Variants in CDH13 observed in about 807,000 individuals in gnomAD.
CDH13 encodes the protein cadherin 13.
CDH13 carries 24 observed loss-of-function variants against 63.8 expected under a neutral mutation model. The observed-to-expected ratio is 0.38, with a 90% CI of 0.27 to 0.53. The LOEUF (loss-of-function observed/expected upper bound fraction) is 0.53. CDH13 is among the 20% of genes least tolerant of loss of function. The pLI is 0.85. For synonymous variants in CDH13, 503 were observed against 355.3 expected, an observed-to-expected ratio of 1.42 and a Z score of -4.67; for missense variants, 1,049 against 903.1, an observed-to-expected ratio of 1.16 and a Z score of -2.07.
chr16:83,541,625 C>T (rs534704545), intron 7 of CDH13, among the ~76,000 whole-genome samples: 16 of 152,324 alleles, frequency 1.1e-4, no homozygotes, highest in Non-Finnish European at 1.8e-4. Context: ...CCAAGGACTC[C>T]AAAGGTCTAG....
intron 1 of CDH13, among the ~76,000 whole-genome samples, chr16:82,801,042 A>G (rs1424375572): frequency 1.3e-5 from 2 of 152,226 alleles, no homozygotes; most frequent in Non-Finnish European, 2.9e-5. Flanking sequence ...AAAGATTAGG[A>G]CCAGTGTTTA....
intron 8 of CDH13, among the ~76,000 whole-genome samples, chr16:83,666,333 C>T (rs1913947325): frequency 6.6e-6 from 1 of 152,150 alleles, no homozygotes; most frequent in Admixed American, 6.5e-5. Context: ...GAATAATGAG[C>T]TTCTAAATGA....
intron 10 of CDH13, chr16:83,736,015 A>G (rs1177358574): frequency 4.6e-5 from 7 of 152,200 alleles, no homozygotes; most frequent in Admixed American, 3.3e-4. Flanking sequence ...TTACGTTGCT[A>G]CCAACTGGTA....
At chr16:83,737,857 C>G (rs763587180) in intron 10 of CDH13, among the ~76,000 whole-genome samples, 18 of 152,226 alleles carry the variant, frequency 1.2e-4, no homozygotes, top group Non-Finnish European at 2.1e-4. Flanking sequence ...TGGAACCACA[C>G]TTCTGCTGCT....
At chr16:83,102,214 A>G (rs1490502999) in intron 3 of CDH13, among the ~76,000 whole-genome samples, 2 of 152,194 alleles carry the variant, frequency 1.3e-5, no homozygotes, top group Non-Finnish European at 2.9e-5. Context: ...TTCTGATGAC[A>G]CCTTGATTTT....
chr16:83,119,930 A>T (rs1220018341), intron 3 of CDH13, among the ~76,000 whole-genome samples: 1 of 152,254 alleles, frequency 6.6e-6, no homozygotes, highest in African/African-American at 2.4e-5. Context: ...CAAAGATAGA[A>T]GCAGAGCCAC....
intron 5 of CDH13, among the ~76,000 whole-genome samples, chr16:83,287,134 A>T (rs1228430255): frequency 6.6e-6 from 1 of 152,172 alleles, no homozygotes; most frequent in East Asian, 1.9e-4. Flanking sequence ...CATTCTGCAA[A>T]TGTCAGTGGA....
At chr16:82,711,741 A>G (rs939247745) in intron 1 of CDH13, among the ~76,000 whole-genome samples, 13 of 152,302 alleles carry the variant, frequency 8.5e-5, no homozygotes, top group African/African-American at 3.1e-4. Context: ...ACTGGAACAC[A>G]TTCTAAAGTT....
At chr16:82,673,335 A>G (rs756455386) in intron 1 of CDH13, among the ~76,000 whole-genome samples, 1 of 152,218 alleles carries the variant, frequency 6.6e-6, no homozygotes, top group Non-Finnish European at 1.5e-5. Flanking sequence ...GTTCACACTC[A>G]GTCAAGGAAC....
intron 3 of CDH13, among the ~76,000 whole-genome samples, chr16:83,124,067 C>T (rs2035706400): frequency 6.6e-6 from 1 of 152,066 alleles, no homozygotes; most frequent in Non-Finnish European, 1.5e-5. Flanking sequence ...TTGTTCTGAG[C>T]TGGAGTCTCG....
chr16:83,289,706 G>A (rs543755304), intron 5 of CDH13, among the ~76,000 whole-genome samples: 1 of 152,156 alleles, frequency 6.6e-6, no homozygotes, highest in South Asian at 2.1e-4. Flanking sequence ...CTTGGGCTTG[G>A]GTACGTGGTT....
chr16:83,779,686 A>G (rs1915383109), intron 11 of CDH13, among the ~76,000 whole-genome samples: 1 of 151,804 alleles, frequency 6.6e-6, no homozygotes, highest in African/African-American at 2.4e-5. Flanking sequence ...ATCCTCTTAG[A>G]TGTAAATGCT....
chr16:83,086,482 TTC>T (rs2033601748), intron 3 of CDH13, among the ~76,000 whole-genome samples: 3 of 152,152 alleles, frequency 2.0e-5, no homozygotes, highest in Non-Finnish European at 4.4e-5. Flanking sequence ...GTGGAGCTGT[TTC>T]TGTCCCAGAT....
At chr16:83,239,883 A>AG (rs1904305533) in intron 5 of CDH13, among the ~76,000 whole-genome samples, 1 of 152,146 alleles carries the variant, frequency 6.6e-6, no homozygotes. Context: ...GGGGAGCTGG[A>AG]GGAGGTGCAT....
chr16:83,408,304 G>T lies in CDH13; in HGVS notation c.781+63298G>T, dbSNP rs528918135. Among the ~76,000 whole-genome samples, 5 of 152,192 alleles carry T rather than the reference G, an allele frequency of 3.3e-5. No homozygotes were observed. In the East Asian group the frequency reaches 9.7e-4, roughly 29 times the overall value. Reference sequence around the variant, plus strand: ...ATTCACACAAACCATATACAGTCACGTGTCACTCAACAATGGGTATACCTT... The same window carrying T: ...ATTCACACAAACCATATACAGTCACTTGTCACTCAACAATGGGTATACCTT... On this transcript the variant is annotated intron_variant, in intron 6 of 13. Transcript: ENST00000567109.
chr16:83,080,553 T>C (rs936858512), intron 3 of CDH13, among the ~76,000 whole-genome samples: 4 of 152,106 alleles, frequency 2.6e-5, no homozygotes, highest in Non-Finnish European at 4.4e-5. Flanking sequence ...AAATAGAGTC[T>C]GTTATTAGTC....
chr16:83,690,640 T>A (rs986913682), intron 10 of CDH13, among the ~76,000 whole-genome samples: 1 of 152,138 alleles, frequency 6.6e-6, no homozygotes, highest in African/African-American at 2.4e-5. Context: ...GTAGCCATAG[T>A]AATCCAGGTA....
chr16:82,785,143 T>C (rs1165140107), intron 1 of CDH13, among the ~76,000 whole-genome samples: 2 of 152,050 alleles, frequency 1.3e-5, no homozygotes, highest in Non-Finnish European at 2.9e-5. Context: ...GACGGGGGCT[T>C]GCGTTCGGGG....
intron 1 of CDH13, among the ~76,000 whole-genome samples, chr16:82,720,175 G>A (rs577150377): frequency 1.6e-4 from 24 of 152,262 alleles, no homozygotes; most frequent in East Asian, 7.7e-4. Context: ...GACGGTGGTC[G>A]TAGTGGTGGT....
Sources: allele counts gnomAD v4.1 joint callset (sites outside exome capture counted in the v4.1 genomes callset), GRCh38; gene constraint gnomAD v4.1.1; transcripts MANE v1.5; gene names NCBI Gene and HGNC (gene_info 2026-07-23, HGNC 2026-07-21).